Variants in PLCL1 observed in about 807,000 individuals in gnomAD.
The protein encoded by PLCL1 is phospholipase C like 1 (inactive).
A neutral mutation model predicts 84.4 loss-of-function variants in PLCL1; 41 were observed. The ratio of observed to expected loss-of-function variants is 0.49; its 90% CI spans 0.38 to 0.63. The LOEUF (loss-of-function observed/expected upper bound fraction) is 0.63, where lower values mean the gene tolerates loss of function less well. Ranked by LOEUF, PLCL1 falls within the 30% of genes least tolerant of loss-of-function variation. The probability of loss-of-function intolerance (pLI) is 0.00; values close to 1 mark genes in which losing one functional copy is unlikely to be tolerated. For synonymous variants in PLCL1, 490 were observed against 488.3 expected, an observed-to-expected ratio of 1.00 and a Z score of -0.05; for missense variants, 1,206 against 1,367.8, an observed-to-expected ratio of 0.88 and a Z score of 1.87.
At chr2:197,918,967 T>C (rs200633520) in intron 1 of PLCL1, among the ~76,000 whole-genome samples, 10 of 105,034 alleles carry the variant, frequency 9.5e-5, no homozygotes, top group South Asian at 2.7e-4. Context: ...TCTCTCTCTC[T>C]CCCTCACACA....
intron 1 of PLCL1, among the ~76,000 whole-genome samples, chr2:198,044,511 T>C (rs1691741862): frequency 6.6e-6 from 1 of 152,172 alleles, no homozygotes; most frequent in African/African-American, 2.4e-5. Context: ...AGAGGAACAA[T>C]TTCTGTAGGT....
rs532481916 is a variant in PLCL1, at chr2:197,861,520, G to A, written c.240+56181G>A. On this transcript the variant is annotated intron_variant, in intron 1 of 5. Transcript: ENST00000428675. ...ACTCTAGCAAATTAATCAAACTTGA[G>A]TAGGGGATTGTGGAAACCCTGATTA... 2.6e-5 allele frequency among the ~76,000 whole-genome samples: 4 copies of A among 152,314 alleles called. No homozygotes were observed. The East Asian group carries it at 5.8e-4, about 22-fold the overall frequency.
At chr2:198,089,869 A>C (rs1207333331) in intron 3 of PLCL1, among the ~76,000 whole-genome samples, 2 of 152,262 alleles carry the variant, frequency 1.3e-5, no homozygotes, top group Non-Finnish European at 2.9e-5. Context: ...ATTAGAAATT[A>C]AGAAAATATA....
chr2:197,960,386 A>G (rs1387688154), intron 1 of PLCL1, among the ~76,000 whole-genome samples: 2 of 152,134 alleles, frequency 1.3e-5, no homozygotes, highest in East Asian at 1.9e-4. Flanking sequence ...GATCAGTCTA[A>G]TAGTAAGATT....
chr2:197,837,067 T>C (rs760010434), intron 1 of PLCL1, among the ~76,000 whole-genome samples: 16 of 152,248 alleles, frequency 1.1e-4, no homozygotes, highest in Non-Finnish European at 1.9e-4. Context: ...ATCTAAATCA[T>C]GATTTCTTCC....
chr2:197,849,410 A>C (rs1393245328), intron 1 of PLCL1, among the ~76,000 whole-genome samples: 2 of 152,012 alleles, frequency 1.3e-5, no homozygotes, highest in Non-Finnish European at 2.9e-5. Flanking sequence ...AGCAAAAGAA[A>C]AAAGGCTTTT....
At chr2:197,934,577 T>G (rs546132504) in intron 1 of PLCL1, among the ~76,000 whole-genome samples, 63 of 152,332 alleles carry the variant, frequency 4.1e-4, no homozygotes, top group Non-Finnish European at 4.0e-4. Context: ...AAGAGAGGCA[T>G]AAACTTAAAT....
In PLCL1 at chr2:197,867,402, A is replaced by G. The variant is rs191346434; in HGVS notation, c.240+62063A>G. Among the ~76,000 whole-genome samples the G allele has an allele frequency of 9.9e-5, 15 of 150,912 alleles. No individual in the cohort carries two copies. In the East Asian group the frequency reaches 2.5e-3, roughly 25 times the overall value. On this transcript the variant is annotated intron_variant, in intron 1 of 5. Coordinates refer to ENST00000428675, the MANE Select transcript of PLCL1 (RefSeq NM_006226.4). ...TGTAGGTATTTTTTTTTTTTGTACT[A>G]TAAGTCCGCTGGTCTTTGTTGCTAT...
At chr2:198,046,015 G>A (rs1196759104) in intron 1 of PLCL1, among the ~76,000 whole-genome samples, 1 of 152,170 alleles carries the variant, frequency 6.6e-6, no homozygotes, top group Non-Finnish European at 1.5e-5. Context: ...GTGGGGGGTG[G>A]TAGTATTTGT....
chr2:197,925,967 G>A (rs1156489559), intron 1 of PLCL1, among the ~76,000 whole-genome samples: 2 of 152,120 alleles, frequency 1.3e-5, no homozygotes, highest in South Asian at 4.1e-4. Context: ...GTCTTGTTTT[G>A]AAGGTCAGCT....
intron 1 of PLCL1, among the ~76,000 whole-genome samples, chr2:197,972,844 A>G (rs1466398454): frequency 6.6e-6 from 1 of 152,204 alleles, no homozygotes; most frequent in African/African-American, 2.4e-5. Context: ...TGGTTACTTC[A>G]TAGACATGAT....
chr2:197,861,347 G>A (rs562242062), intron 1 of PLCL1, among the ~76,000 whole-genome samples: 1 of 152,152 alleles, frequency 6.6e-6, no homozygotes, highest in Non-Finnish European at 1.5e-5. Flanking sequence ...GGAAGGTGGA[G>A]CACCTAAAGA....
chr2:198,102,571 C>G (rs1693373411), intron 4 of PLCL1, among the ~76,000 whole-genome samples: 1 of 152,102 alleles, frequency 6.6e-6, no homozygotes, highest in South Asian at 2.1e-4. Flanking sequence ...ACAGCGTTCA[C>G]TCCTGGAGGC....
intron 1 of PLCL1, among the ~76,000 whole-genome samples, chr2:197,848,560 A>C (rs1339580378): frequency 6.6e-6 from 1 of 152,224 alleles, no homozygotes; most frequent in Admixed American, 6.5e-5. Flanking sequence ...TTATGAACCC[A>C]TAGTAGACTG....
intron 5 of PLCL1, among the ~76,000 whole-genome samples, chr2:198,113,837 TAA>T (rs1693678592): frequency 1.3e-5 from 2 of 151,892 alleles, no homozygotes; most frequent in African/African-American, 4.8e-5. Context: ...CTGGCCATAT[TAA>T]TTACAAATTA....
At chr2:198,060,226 A>G (rs776317079) in intron 1 of PLCL1, among the ~76,000 whole-genome samples, 8 of 152,228 alleles carry the variant, frequency 5.3e-5, no homozygotes, top group Non-Finnish European at 8.8e-5. Flanking sequence ...ATTTCCTGCC[A>G]TCTTCACCGC....
chr2:197,861,038 A>G (rs1687423330), intron 1 of PLCL1, among the ~76,000 whole-genome samples: 1 of 151,946 alleles, frequency 6.6e-6, no homozygotes, highest in Non-Finnish European at 1.5e-5. Context: ...CTGGCATACA[A>G]CTCCTAAAAT....
intron 4 of PLCL1, among the ~76,000 whole-genome samples, chr2:198,102,855 C>T (rs1294352971): frequency 6.6e-6 from 1 of 152,010 alleles, no homozygotes; most frequent in African/African-American, 2.4e-5. Context: ...TCATAGCTTT[C>T]TGAAGATGGA....
chr2:197,944,511 A>G (rs1302406692), intron 1 of PLCL1, among the ~76,000 whole-genome samples: 1 of 152,148 alleles, frequency 6.6e-6, no homozygotes, highest in Non-Finnish European at 1.5e-5. Context: ...GTAAATGTTT[A>G]ACAACTAGCT....
Sources: allele counts gnomAD v4.1 joint callset (sites outside exome capture counted in the v4.1 genomes callset), GRCh38; gene constraint gnomAD v4.1.1; transcripts MANE v1.5; gene names NCBI Gene and HGNC (gene_info 2026-07-23, HGNC 2026-07-21).